Variants in PCSK2 observed in about 807,000 individuals in gnomAD.
PCSK2 encodes proprotein convertase subtilisin/kexin type 2.
PCSK2 carries 14 observed loss-of-function variants against 69.7 expected under a neutral mutation model. That is an observed-to-expected ratio of 0.20 (90% CI 0.13 to 0.31). The LOEUF (loss-of-function observed/expected upper bound fraction) is 0.31. Among genes scored for constraint, PCSK2 ranks in the 10% least tolerant of loss-of-function variants. The pLI is 1.00. For synonymous variants in PCSK2, 307 were observed against 320.7 expected (o/e 0.96, Z 0.46); for missense variants, 544 against 842.5 (o/e 0.65, Z 4.39).
At chr20:17,467,053 C>G (rs757431465) in intron 11 of PCSK2, among the ~76,000 whole-genome samples, 1 of 152,192 alleles carries the variant, frequency 6.6e-6, no homozygotes. Flanking sequence ...GTCATATTTC[C>G]GAGGACCATC....
At position 17,453,664 on chromosome 20, in the gene PCSK2, C is replaced by G. The variant is rs569725143; in HGVS notation, c.886-78C>G. On this transcript the variant is annotated intron_variant, in intron 8 of 11. Transcript: ENST00000262545. This position sits in a 1 kb window ranked among gnomAD's most constrained non-coding sequence, Gnocchi z 4.0. ...AGGTTCAACTGCTGAAGAAGCCCAA[C>G]CCCTGGGCTGGAGACCTCCCCTGCC... The G allele has an allele frequency of 2.6e-6, 4 of 1,530,808 alleles. No homozygotes were observed. Among genetic ancestry groups the G allele is most frequent in the Admixed American group, 1.7e-5 (1 of 58,128 alleles). The allele number at this position is 1,530,808 out of a possible 1,614,324, so 94.8% of individuals were successfully genotyped here.
chr20:17,364,072 G>GAACATGTATA (rs1169107058), intron 4 of PCSK2, among the ~76,000 whole-genome samples: 1 of 151,880 alleles, frequency 6.6e-6, no homozygotes, highest in Non-Finnish European at 1.5e-5. Context: ...CACCAACATG[G>GAACATGTATA]CACATGTATA....
chr20:17,227,259 C>T lies in PCSK2; in HGVS notation c.-47C>T, dbSNP rs749340538. The T allele has an allele frequency of 1.2e-5, 18 of 1,477,274 alleles. No homozygotes were observed. Among genetic ancestry groups the T allele is most frequent in the Non-Finnish European group, 1.5e-5 (16 of 1,058,632 alleles). The allele number at this position is 1,477,274 out of a possible 1,614,324, so 91.5% of individuals were successfully genotyped here. ...CACCCTCCCTCCGAGTCCCCTGCTCCGCCAGCCTGCGCGCCTCCTAGCACC... is the reference window on the plus strand; with the variant it reads ...CACCCTCCCTCCGAGTCCCCTGCTCTGCCAGCCTGCGCGCCTCCTAGCACC... On this transcript the variant is annotated 5_prime_UTR_variant, in exon 1 of 12. Transcript: ENST00000262545.
chr20:17,243,697 T>G (rs1986668819), intron 1 of PCSK2, among the ~76,000 whole-genome samples: 1 of 152,164 alleles, frequency 6.6e-6, no homozygotes, highest in Non-Finnish European at 1.5e-5. Flanking sequence ...TAGCTGCATT[T>G]AAGACTGTGA....
chr20:17,472,857 A>G (rs569984842), intron 11 of PCSK2, among the ~76,000 whole-genome samples: 1 of 152,256 alleles, frequency 6.6e-6, no homozygotes, highest in South Asian at 2.1e-4. Context: ...ATGAGCCACC[A>G]CAGCTTCATA....
At chr20:17,375,374 G>A (rs1411911705) in intron 5 of PCSK2, among the ~76,000 whole-genome samples, 1 of 152,104 alleles carries the variant, frequency 6.6e-6, no homozygotes, top group African/African-American at 2.4e-5. Flanking sequence ...AATCTCAAAG[G>A]CTTTGAAAAA....
intron 2 of PCSK2, among the ~76,000 whole-genome samples, chr20:17,347,980 AAG>A (rs1990727844): frequency 7.2e-6 from 1 of 137,968 alleles, no homozygotes. Context: ...GAAAGAAAGA[AAG>A]AGGAGAGAGA....
chr20:17,253,158 G>C (rs975559530), intron 1 of PCSK2, among the ~76,000 whole-genome samples: 3 of 152,076 alleles, frequency 2.0e-5, no homozygotes, highest in African/African-American at 7.2e-5. Flanking sequence ...TACAAACAGT[G>C]ATAATCACAA....
chr20:17,462,212 A>T (rs577162562), intron 10 of PCSK2, among the ~76,000 whole-genome samples: 2 of 151,694 alleles, frequency 1.3e-5, no homozygotes, highest in African/African-American at 4.8e-5. Flanking sequence ...GGTTTGCTGC[A>T]TACTGAAAAT....
At chr20:17,240,672 T>C (rs1024217150) in intron 1 of PCSK2, among the ~76,000 whole-genome samples, 4 of 152,194 alleles carry the variant, frequency 2.6e-5, no homozygotes, top group East Asian at 3.9e-4. Flanking sequence ...AGTGAGGCTG[T>C]ATGTCAGATC....
intron 2 of PCSK2, among the ~76,000 whole-genome samples, chr20:17,281,229 GT>G (rs1988298052): frequency 6.6e-6 from 1 of 152,190 alleles, no homozygotes. Flanking sequence ...CCTCCTAACT[GT>G]GCAATGGAAT....
chr20:17,369,409 C>T (rs1177001755), intron 5 of PCSK2, 132 bp downstream of exon 5: 17 of 741,086 alleles, frequency 2.3e-5, no homozygotes, highest in Non-Finnish European at 4.2e-5. Flanking sequence ...CACACACACA[C>T]ACACACAGGA....
Position 17,436,581 on chromosome 20 carries a change from A to C in PCSK2, c.710-127A>C, listed in dbSNP as rs1460079475. The C allele has an allele frequency of 9.7e-6, 7 of 718,866 alleles. No homozygotes were observed. The East Asian group carries it at 1.5e-4, about 16-fold the overall frequency. 44.5% of individuals were successfully genotyped at this position (718,866 alleles called of 1,614,324 possible). On this transcript the variant is annotated intron_variant, in intron 7 of 11. Coordinates refer to ENST00000262545, the MANE Select transcript of PCSK2 (RefSeq NM_002594.5). ...CTCTTTCTTGATCCCTGGACTGCAC[A>C]GTGGCCCCAGAGCACCTGAGATCTC...
At chr20:17,297,190 T>G (rs1436583632) in intron 2 of PCSK2, among the ~76,000 whole-genome samples, 1 of 151,648 alleles carries the variant, frequency 6.6e-6, no homozygotes, top group Non-Finnish European at 1.5e-5. Flanking sequence ...TAGCAAAGAG[T>G]CCGAGGTAGC....
intron 10 of PCSK2, chr20:17,463,677 C>G (rs2033051406): frequency 7.0e-6 from 1 of 142,312 alleles, no homozygotes; most frequent in African/African-American, 2.6e-5. Context: ...CCCCCACACA[C>G]ACACATGACA....
intron 5 of PCSK2, among the ~76,000 whole-genome samples, chr20:17,383,930 A>G (rs933541803): frequency 5.9e-5 from 9 of 152,258 alleles, no homozygotes; most frequent in African/African-American, 2.2e-4. Flanking sequence ...TGCTTAAAAT[A>G]TCAATTTAAA....
chr20:17,377,933 G>A (rs1171114473), intron 5 of PCSK2, among the ~76,000 whole-genome samples: 1 of 152,150 alleles, frequency 6.6e-6, no homozygotes, highest in Middle Eastern at 3.2e-3. Context: ...GAAAATATCT[G>A]GTCATTCTAT....
intron 1 of PCSK2, among the ~76,000 whole-genome samples, chr20:17,236,881 G>A (rs1252559448): frequency 1.3e-5 from 2 of 152,174 alleles, no homozygotes; most frequent in Non-Finnish European, 2.9e-5. Context: ...AAGAGGCAAG[G>A]TCAATGTTCA....
At chr20:17,325,877 C>T (rs1324265715) in intron 2 of PCSK2, among the ~76,000 whole-genome samples, 3 of 152,130 alleles carry the variant, frequency 2.0e-5, no homozygotes, top group Admixed American at 6.5e-5. Context: ...TCTCAAGCCA[C>T]CAGTGGGCTA....
Sources: gnomAD v4.1 joint callset for allele counts (sites outside exome capture counted in the v4.1 genomes callset) on GRCh38, gnomAD v4.1.1 for gene constraint, Gnocchi (gnomAD v3.1) non-coding constraint, MANE v1.5 for transcripts, NCBI Gene and HGNC (gene_info 2026-07-23, HGNC 2026-07-21) for gene names.